The following LTBP3 variants were observed in gnomAD, a reference collection of about 807,000 sequenced individuals.
The protein encoded by LTBP3 is latent transforming growth factor beta binding protein 3.
A neutral mutation model predicts 159.7 loss-of-function variants in LTBP3; 97 were observed. The observed-to-expected ratio is 0.61, with a 90% CI of 0.52 to 0.72. LTBP3 has a LOEUF of 0.72. Among genes scored for constraint, LTBP3 ranks in the 30% least tolerant of loss-of-function variants. The pLI is 0.00. For synonymous variants in LTBP3, 824 were observed against 777.1 expected, an observed-to-expected ratio of 1.06 and a Z score of -1.00; for missense variants, 1,584 against 1,864.3, an observed-to-expected ratio of 0.85 and a Z score of 2.77.
chr11:65,551,288 T>A, intron 10 of LTBP3, 64 bp from the exon 11 acceptor site: 2 of 1,531,104 alleles, frequency 1.3e-6, no homozygotes, highest in Non-Finnish European at 1.8e-6. Context: ...TCCACTTCAG[T>A]CTTGGCCCGG....
rs1231444799 is a variant in LTBP3 at position 65,547,387 on chromosome 11, G to A, written c.2107+52C>T. On this transcript the variant is annotated intron_variant, in intron 14 of 27. Transcript: ENST00000301873. The surrounding 1 kb of genome is among the most constrained non-coding windows in gnomAD (Gnocchi z 4.6). ...TGCAGGCACCCCAGCCCCACCCCAG[G>A]TGGAGAGACAGCTAAGGAGCTCCTT... 3 of 1,602,994 alleles carry A rather than the reference G, an allele frequency of 1.9e-6. No homozygotes were observed. The highest frequency in any genetic ancestry group is 3.3e-5 in the Admixed American group (2 of 59,914).
Position 65,554,949 on chromosome 11 carries a change from A to G in LTBP3, c.332-569T>C, listed in dbSNP as rs890206745. On this transcript the variant is annotated intron_variant, in intron 1 of 27. Coordinates refer to ENST00000301873, the MANE Select transcript of LTBP3 (RefSeq NM_001130144.3). The surrounding 1 kb of genome is among the most constrained non-coding windows in gnomAD (Gnocchi z 5.3). ...TGTCCACATCTCAAGACACAGACAC[A>G]GCCCCCAGCCTTTCCAGGGCTCTCT... Among the ~76,000 whole-genome samples the G allele has an allele frequency of 1.3e-5, 2 of 152,108 alleles. No individual in the cohort carries two copies. Among genetic ancestry groups the G allele is most frequent in the African/African-American group, 4.8e-5 (2 of 41,472 alleles).
chr11:65,546,182 C>T lies in LTBP3; in HGVS notation c.2353+260G>A. On this transcript the variant is annotated intron_variant, in intron 16 of 27. Transcript: ENST00000301873. The surrounding 1 kb of genome is among the most constrained non-coding windows in gnomAD (Gnocchi z 4.0). ...AGGGGGGAGTACTATCGTCTGCCCT[C>T]ATTCTTTGATATCTTTTTTCCTTCA... The T allele has an allele frequency of 1.9e-6, 1 of 535,328 alleles. No homozygotes were observed. Among genetic ancestry groups the T allele is most frequent in the Non-Finnish European group, 3.3e-6 (1 of 303,218 alleles). The allele number at this position is 535,328 out of a possible 1,614,324, so 33.2% of individuals were successfully genotyped here. A position where few individuals can be genotyped will look rare whatever the true frequency, so the allele number is the denominator to read the frequency against.
At chr11:65,556,613 TCAC>T (rs1163188006) in intron 1 of LTBP3, among the ~76,000 whole-genome samples, 1 of 152,166 alleles carries the variant, frequency 6.6e-6, no homozygotes, top group African/African-American at 2.4e-5. Flanking sequence ...GACGGGTACT[TCAC>T]AGTGTGCCAC....
rs1565100734 is a variant in LTBP3 at position 65,553,574 on chromosome 11, CG to C, written c.865-45del. ...GGTGGGGTCACAGAGCACCCCGCCC[CG>C]GTGCCGCCTGTTAGGGTTGGGCCTT... On this transcript the variant is annotated intron_variant, in intron 3 of 27. Coordinates refer to ENST00000301873, the MANE Select transcript of LTBP3 (RefSeq NM_001130144.3). The surrounding 1 kb of genome is among the most constrained non-coding windows in gnomAD (Gnocchi z 6.5). 1 of 1,500,154 alleles carries C rather than the reference CG, an allele frequency of 6.7e-7. No individual in the cohort carries two copies. The highest frequency in any genetic ancestry group is 1.1e-5 in the South Asian group (1 of 87,342). The allele number at this position is 1,500,154 out of a possible 1,614,324, so 92.9% of individuals were successfully genotyped here.
In LTBP3 at chr11:65,554,471, T is replaced by C; in HGVS notation, c.332-91A>G. The C allele has an allele frequency of 9.2e-7, 1 of 1,082,054 alleles. No individual in the cohort carries two copies. Among genetic ancestry groups the C allele is most frequent in the Admixed American group, 2.4e-5 (1 of 41,024 alleles). 67.0% of individuals were successfully genotyped at this position (1,082,054 alleles called of 1,614,324 possible). On this transcript the variant is annotated intron_variant, in intron 1 of 27. Coordinates refer to ENST00000301873, the MANE Select transcript of LTBP3 (RefSeq NM_001130144.3). This position sits in a 1 kb window ranked among gnomAD's most constrained non-coding sequence, Gnocchi z 5.3. ...TTGCCACCCACTGGCTCTGTCCTCT[T>C]GGGAAGCCAGGTTTTGAGATACATC...
At chr11:65,543,331 G>A (rs1477054863) in intron 17 of LTBP3, 96 bp downstream of exon 17, 2 of 1,611,304 alleles carry the variant, frequency 1.2e-6, no homozygotes, top group East Asian at 2.2e-5. Context: ...ACGCCCCTAT[G>A]CCCCAACTGA....
Position 65,540,847 on chromosome 11 carries a change from C to T in LTBP3, c.2977+24G>A, listed in dbSNP as rs371313546. On this transcript the variant is annotated intron_variant, in intron 21 of 27. Transcript: ENST00000301873. ...CAACCCGGGGTGAGAGGGCGCGGGG[C>T]GGGCGGAGCCGCAGGGCGCTTACCA... 1.3e-5 allele frequency: 20 copies of T among 1,597,702 alleles called. No individual in the cohort carries two copies. In the Middle Eastern group the frequency reaches 5.2e-4, roughly 41 times the overall value.
rs1363345814 is a variant in LTBP3, at chr11:65,540,055, C to CG, written c.3342dup (p.Gly1115ArgfsTer97). 5.5e-5 allele frequency: 84 copies of CG among 1,520,876 alleles called. No homozygotes were observed. The highest frequency in any genetic ancestry group is 6.9e-5 in the Non-Finnish European group (79 of 1,139,960). The allele number at this position is 1,520,876 out of a possible 1,614,324, so 94.2% of individuals were successfully genotyped here. A position where few individuals can be genotyped will look rare whatever the true frequency, so the allele number is the denominator to read the frequency against. On this transcript the variant is annotated frameshift_variant, in exon 24 of 28. Transcript: ENST00000301873. LOFTEE classifies it high-confidence loss of function. ...AGCTGGCAATCGCGGCCGGAGGGCC[C>CG]GGGCACCCAGGGCGGGCGACACTCG...
intron 18 of LTBP3, chr11:65,542,141 G>T: frequency 3.6e-6 from 1 of 280,036 alleles, no homozygotes; most frequent in South Asian, 3.5e-5. Flanking sequence ...CTTTGGTCCT[G>T]GAATGACTTC....
At position 65,552,527 on chromosome 11, in the gene LTBP3, T is replaced by A; in HGVS notation, c.1187-121A>T. The A allele has an allele frequency of 8.5e-7, 1 of 1,183,338 alleles. No homozygotes were observed. The highest frequency in any genetic ancestry group is 1.2e-6 in the Non-Finnish European group (1 of 831,938). 73.3% of individuals were successfully genotyped at this position (1,183,338 alleles called of 1,614,324 possible). A position where few individuals can be genotyped will look rare whatever the true frequency, so the allele number is the denominator to read the frequency against. On this transcript the variant is annotated intron_variant, in intron 6 of 27. Coordinates refer to ENST00000301873, the MANE Select transcript of LTBP3 (RefSeq NM_001130144.3). This position sits in a 1 kb window ranked among gnomAD's most constrained non-coding sequence, Gnocchi z 6.0. Reference sequence around the variant, plus strand: ...AACCCTTGATCCCCCATGTGGTCTCTGACCCCATATGACCCTGAACTCATG... The same window carrying A: ...AACCCTTGATCCCCCATGTGGTCTCAGACCCCATATGACCCTGAACTCATG...
chr11:65,552,513 C>T lies in LTBP3; in HGVS notation c.1187-107G>A. ...TCTCCGGCCCAGACAACCCTTGATC[C>T]CCCATGTGGTCTCTGACCCCATATG... is the stretch of plus-strand genomic sequence containing the variant. On this transcript the variant is annotated intron_variant, in intron 6 of 27. Coordinates refer to ENST00000301873, the MANE Select transcript of LTBP3 (RefSeq NM_001130144.3). This position sits in a 1 kb window ranked among gnomAD's most constrained non-coding sequence, Gnocchi z 6.0. 7.1e-7 allele frequency: 1 copy of T among 1,408,776 alleles called. No individual in the cohort carries two copies. The highest frequency in any genetic ancestry group is 9.8e-7 in the Non-Finnish European group (1 of 1,025,206). The allele number at this position is 1,408,776 out of a possible 1,614,324, so 87.3% of individuals were successfully genotyped here.
intron 19 of LTBP3, 22 bp from the exon 20 acceptor site, chr11:65,541,315 AG>A (rs1329808905): frequency 6.2e-7 from 1 of 1,606,036 alleles, no homozygotes; most frequent in Admixed American, 1.7e-5. Context: ...ACGGCAGCTC[AG>A]GGTTGTGCAC....
intron 16 of LTBP3, chr11:65,545,376 G>T (rs1856319606): frequency 4.4e-6 from 1 of 225,076 alleles, no homozygotes; most frequent in South Asian, 1.8e-4. Context: ...ATTCCAGGTG[G>T]GTATGCTGGC....
rs200801315 is a variant in LTBP3 at position 65,548,049 on chromosome 11, C to T, written c.1721-4G>A. ...TTCAGTCGGCACTCATCAGTCTCTG[C>T]GGGCATGGCCAGGTCAAGCGGCAGA... is the stretch of plus-strand genomic sequence containing the variant. On this transcript the variant is annotated splice_polypyrimidine_tract_variant and splice_region_variant and intron_variant, in intron 11 of 27. Coordinates refer to ENST00000301873, the MANE Select transcript of LTBP3 (RefSeq NM_001130144.3). 109 of 1,613,796 alleles carry T rather than the reference C, an allele frequency of 6.8e-5. 1 individual carries two copies. The East Asian group carries it at 1.2e-3, about 17-fold the overall frequency.
intron 16 of LTBP3, 161 bp from the exon 17 acceptor site, chr11:65,543,710 C>T (rs530878622): frequency 1.5e-5 from 14 of 915,708 alleles, no homozygotes; most frequent in Admixed American, 9.6e-5. Context: ...AGTGCCCTGA[C>T]GACCAGGTCA....
Position 65,552,309 on chromosome 11 carries a change from G to A in LTBP3, c.1284C>T (p.Cys428=), listed in dbSNP as rs1269100803. 1 of 1,614,132 alleles carries A rather than the reference G, an allele frequency of 6.2e-7. No individual in the cohort carries two copies. The highest frequency in any genetic ancestry group is 2.2e-5 in the East Asian group (1 of 44,882). The part of the protein sequence containing the change: ...PLTTRLTRQL[C]CCSVGKAWGA... ...CCCAGGCCTTGCCGACACTGCAGCA[G>A]CAGAGCTGGCGGGTCAGGCGGGTGG... The change falls in exon 7 of 28, where the codon TGC becomes TGT. Residue 428 remains cysteine (C), a synonymous_variant. Transcript: ENST00000301873. This position sits in a 1 kb window ranked among gnomAD's most constrained non-coding sequence, Gnocchi z 6.0.
In LTBP3 at chr11:65,554,699, C is replaced by T. The variant is rs1261425100; in HGVS notation, c.332-319G>A. On this transcript the variant is annotated intron_variant, in intron 1 of 27. Transcript: ENST00000301873. The surrounding 1 kb of genome is among the most constrained non-coding windows in gnomAD (Gnocchi z 5.3). ...AGATGAGGTAAGGGCTGTACAAATG[C>T]TTACCCCAGGGCCTGGTACACAAAG... Among the ~76,000 whole-genome samples, 1 of 152,084 alleles carries T rather than the reference C, an allele frequency of 6.6e-6. No individual in the cohort carries two copies. The highest frequency in any genetic ancestry group is 6.5e-5 in the Admixed American group (1 of 15,280).
In LTBP3 at chr11:65,541,815, G is replaced by A; in HGVS notation, c.2597-87C>T. 2.0e-6 allele frequency: 3 copies of A among 1,508,090 alleles called. No homozygotes were observed. The South Asian group carries it at 3.5e-5, about 18-fold the overall frequency. 93.4% of individuals were successfully genotyped at this position (1,508,090 alleles called of 1,614,324 possible). A position where few individuals can be genotyped will look rare whatever the true frequency, so the allele number is the denominator to read the frequency against. ...AGGGCCTCACACAAGTTCAGAACCT[G>A]AATTTCCACTTTGGTTTCAAAGTAT... On this transcript the variant is annotated intron_variant, in intron 18 of 27. Coordinates refer to ENST00000301873, the MANE Select transcript of LTBP3 (RefSeq NM_001130144.3).
Sources: gnomAD v4.1 joint callset for allele counts (sites outside exome capture counted in the v4.1 genomes callset) on GRCh38, gnomAD v4.1.1 for gene constraint, Gnocchi (gnomAD v3.1) non-coding constraint, MANE v1.5 for transcripts, NCBI Gene and HGNC (gene_info 2026-07-23, HGNC 2026-07-21) for gene names.